OBI1: variants seen among roughly 807,000 people sequenced by gnomAD.
OBI1 encodes ORC ubiquitin ligase 1.
Under a neutral mutation model 62.4 loss-of-function variants are expected in OBI1, and 59 were observed. The ratio of observed to expected loss-of-function variants is 0.95; its 90% CI spans 0.77 to 1.17. The LOEUF is 1.17. Ranked by LOEUF, OBI1 falls within the 50% of genes most tolerant of loss-of-function variation. The probability of loss-of-function intolerance (pLI) is 0.00; values close to 1 mark genes in which losing one functional copy is unlikely to be tolerated. For missense variants in OBI1, 875 were observed against 830.9 expected, an observed-to-expected ratio of 1.05 and a Z score of -0.65; for synonymous variants, 302 against 292.8, an observed-to-expected ratio of 1.03 and a Z score of -0.32.
chr13:78,623,720 A>G (rs1466382627), intron 5 of OBI1, among the ~76,000 whole-genome samples: 1 of 152,262 alleles, frequency 6.6e-6, no homozygotes, highest in African/African-American at 2.4e-5. Flanking sequence ...TCAATGAACT[A>G]GGATTCTTGT....
chr13:78,639,842 T>C (rs1372713078), intron 3 of OBI1, among the ~76,000 whole-genome samples: 1 of 94,884 alleles, frequency 1.1e-5, no homozygotes, highest in African/African-American at 4.1e-5. Context: ...GGGACTGTTG[T>C]GGGGTGGGGG....
intron 1 of OBI1, among the ~76,000 whole-genome samples, chr13:78,650,724 C>T (rs1876519977): frequency 6.7e-6 from 1 of 150,312 alleles, no homozygotes; most frequent in Non-Finnish European, 1.5e-5. Flanking sequence ...AGCACAGACA[C>T]TTCTACATAG....
intron 1 of OBI1, among the ~76,000 whole-genome samples, chr13:78,651,556 G>A (rs1007316698): frequency 1.3e-5 from 2 of 152,038 alleles, no homozygotes; most frequent in Non-Finnish European, 2.9e-5. Context: ...CCTATTTATA[G>A]AGCTTCCATT....
intron 3 of OBI1, among the ~76,000 whole-genome samples, chr13:78,639,927 G>T (rs1876158835): frequency 6.7e-6 from 1 of 149,796 alleles, no homozygotes; most frequent in African/African-American, 2.5e-5. Context: ...CACCAGCATG[G>T]CACATGTATA....
At chr13:78,636,452 C>T (rs1008140100) in intron 4 of OBI1, among the ~76,000 whole-genome samples, 8 of 152,252 alleles carry the variant, frequency 5.3e-5, no homozygotes, top group African/African-American at 9.6e-5. Flanking sequence ...GCCTTTAAAA[C>T]GTATTTCAAA....
intron 2 of OBI1, among the ~76,000 whole-genome samples, chr13:78,643,526 G>A (rs1330752894): frequency 2.0e-5 from 3 of 152,118 alleles, no homozygotes; most frequent in South Asian, 2.1e-4. Flanking sequence ...GGTGGCTCAC[G>A]CCTGTAATTC....
chr13:78,632,628 T>C (rs1875887986), intron 5 of OBI1, among the ~76,000 whole-genome samples: 2 of 152,292 alleles, frequency 1.3e-5, no homozygotes, highest in East Asian at 3.9e-4. Flanking sequence ...TTGCTTGCAT[T>C]TATTTGTGAA....
intron 1 of OBI1, 115 bp from the exon 2 acceptor site, chr13:78,645,112 G>A (rs1876342885): frequency 1.0e-6 from 1 of 988,844 alleles, no homozygotes; most frequent in Non-Finnish European, 1.5e-6. Flanking sequence ...AGTTTAAGAA[G>A]GGATATCTAG....
At chr13:78,620,924 G>T (rs552555677) in intron 5 of OBI1, among the ~76,000 whole-genome samples, 7 of 152,254 alleles carry the variant, frequency 4.6e-5, no homozygotes, top group African/African-American at 1.7e-4. Context: ...TGCCTTTCTG[G>T]TTCTCAATGG....
intron 3 of OBI1, among the ~76,000 whole-genome samples, chr13:78,641,139 A>G (rs1277277884): frequency 6.6e-6 from 1 of 152,170 alleles, no homozygotes; most frequent in Non-Finnish European, 1.5e-5. Context: ...ATAAACCCCC[A>G]AGTAGCTCAA....
intron 2 of OBI1, among the ~76,000 whole-genome samples, chr13:78,644,583 G>A (rs1198574804): frequency 1.3e-5 from 2 of 151,626 alleles, no homozygotes; most frequent in African/African-American, 4.8e-5. Context: ...GAACTCTCTG[G>A]GCTTTTTTGG....
rs1408727582 is a variant in OBI1, at chr13:78,616,637, C to T, written c.1124G>A (p.Cys375Tyr). Residue 375 changes from cysteine to tyrosine, a missense_variant, in exon 6 of 6, where the codon TGT becomes TAT. By Grantham distance (194) the Cys-to-Tyr change is radical (BLOSUM62 -2). Coordinates refer to ENST00000282003, the MANE Select transcript of OBI1 (RefSeq NM_024546.4). The part of the protein sequence containing the change: ...EREWGNKPSD[C>Y]VPYKDEELYD... ...AAGTTCTTCATCTTTGTAGGGTACA[C>T]AGTCACTTGGTTTATTCCCCCATTC... The T allele has an allele frequency of 1.2e-6, 2 of 1,614,134 alleles. No homozygotes were observed. Among genetic ancestry groups the T allele is most frequent in the South Asian group, 1.1e-5 (1 of 91,078 alleles).
intron 5 of OBI1, among the ~76,000 whole-genome samples, chr13:78,622,707 C>T (rs1259359924): frequency 6.6e-6 from 1 of 152,200 alleles, no homozygotes; most frequent in Non-Finnish European, 1.5e-5. Context: ...AGTTTCCTAA[C>T]TCCTCTTTTT....
intron 5 of OBI1, among the ~76,000 whole-genome samples, chr13:78,629,571 A>C (rs1282744271): frequency 1.3e-5 from 2 of 152,290 alleles, no homozygotes; most frequent in Non-Finnish European, 2.9e-5. Context: ...CATCTCTTCA[A>C]GTTAAAAAAG....
intron 4 of OBI1, among the ~76,000 whole-genome samples, chr13:78,636,856 G>C (rs903709875): frequency 2.0e-5 from 3 of 152,134 alleles, no homozygotes; most frequent in Non-Finnish European, 4.4e-5. Context: ...AAACTCATTT[G>C]ATTTCCTTTC....
At chr13:78,657,486 G>A (rs1269589152) in intron 1 of OBI1, among the ~76,000 whole-genome samples, 1 of 152,112 alleles carries the variant, frequency 6.6e-6, no homozygotes, top group Non-Finnish European at 1.5e-5. Context: ...TTTAAAAATG[G>A]AAAAACCAGC....
At chr13:78,658,904 G>A (rs1422110751) in intron 1 of OBI1, 145 bp downstream of exon 1, 3 of 645,498 alleles carry the variant, frequency 4.6e-6, no homozygotes, top group Admixed American at 2.4e-5. Context: ...CCCAGGACGC[G>A]GCCTCCCATC....
chr13:78,637,290 C>T (rs1297702832), intron 4 of OBI1, among the ~76,000 whole-genome samples: 2 of 152,180 alleles, frequency 1.3e-5, no homozygotes, highest in African/African-American at 4.8e-5. Flanking sequence ...TTTTCATTCA[C>T]TTATGTCCCA....
chr13:78,641,678 T>C (rs1017233685), intron 3 of OBI1, among the ~76,000 whole-genome samples: 1 of 152,146 alleles, frequency 6.6e-6, no homozygotes, highest in Non-Finnish European at 1.5e-5. Context: ...TTTACTAGAA[T>C]TGATCAGGCT....
Sources: gnomAD v4.1 joint callset for allele counts (sites outside exome capture counted in the v4.1 genomes callset) on GRCh38, gnomAD v4.1.1 for gene constraint, MANE v1.5 for transcripts, NCBI Gene and HGNC (gene_info 2026-07-23, HGNC 2026-07-21) for gene names.